The following SCML2 variants were observed in gnomAD, a reference collection of about 807,000 sequenced individuals.
SCML2 encodes sex comb on midleg-like protein 2.
In SCML2, 6 loss-of-function variants were observed where a neutral mutation model predicts 48.4. That is an observed-to-expected ratio of 0.12 (90% CI 0.07 to 0.24). The LOEUF is 0.24. Ranked by LOEUF, SCML2 falls within the 10% of genes least tolerant of loss-of-function variation. The probability of loss-of-function intolerance (pLI) is 1.00; values close to 1 mark genes in which losing one functional copy is unlikely to be tolerated. For synonymous variants in SCML2, 181 were observed against 189.5 expected (o/e 0.95, Z 0.37); for missense variants, 377 against 528.2 (o/e 0.71, Z 2.81).
At position 18,269,692 on chromosome X, in the gene SCML2, T is replaced by G. The variant is rs867665957; in HGVS notation, c.731-3890A>C. 3.6e-5 allele frequency among the ~76,000 whole-genome samples: 4 copies of G among 111,709 alleles called. 1 individual carries two copies. The Middle Eastern group carries it at 0.018, about 515-fold the overall frequency. ...TCTGGGTTCAAATTCCTGTGCCAGGTTGGTTTAAGACAGAACCTAGGAATA... is the reference window on the plus strand; with the variant it reads ...TCTGGGTTCAAATTCCTGTGCCAGGGTGGTTTAAGACAGAACCTAGGAATA... On this transcript the variant is annotated intron_variant, in intron 7 of 14. Coordinates refer to ENST00000251900, the MANE Select transcript of SCML2 (RefSeq NM_006089.3).
intron 6 of SCML2, among the ~76,000 whole-genome samples, chrX:18,314,550 A>G (rs757905775): frequency 1.8e-5 from 2 of 111,927 alleles, no homozygotes; most frequent in African/African-American, 3.2e-5. Flanking sequence ...AATTTCCCAG[A>G]GACACCTCAA....
intron 8 of SCML2, among the ~76,000 whole-genome samples, chrX:18,263,098 T>C (rs1927132068): frequency 9.0e-6 from 1 of 111,265 alleles, no homozygotes; most frequent in Non-Finnish European, 1.9e-5. Flanking sequence ...TTCCTTAGAA[T>C]TACATTTTAA....
At chrX:18,243,060 TTTGTTG>T (rs913927396) in intron 13 of SCML2, among the ~76,000 whole-genome samples, 33 of 111,683 alleles carry the variant, frequency 3.0e-4, no homozygotes, top group Non-Finnish European at 4.9e-4. Flanking sequence ...TTTGTTTTGT[TTTGTTG>T]TTGTTGTTGT....
intron 1 of SCML2, among the ~76,000 whole-genome samples, chrX:18,347,723 C>CAAAAAA (rs749758995): frequency 5.9e-4 from 13 of 21,925 alleles, no homozygotes; most frequent in Non-Finnish European, 8.2e-4. Flanking sequence ...GACTCCGTCT[C>CAAAAAA]AAAAAAAAAA....
At chrX:18,320,064 T>G (rs949916367) in intron 6 of SCML2, among the ~76,000 whole-genome samples, 1 of 112,473 alleles carries the variant, frequency 8.9e-6, no homozygotes, top group African/African-American at 3.2e-5. Flanking sequence ...GATACAAACA[T>G]GTCTATATGC....
At chrX:18,302,340 C>T (rs1439755552) in intron 7 of SCML2, among the ~76,000 whole-genome samples, 1 of 110,744 alleles carries the variant, frequency 9.0e-6, no homozygotes, top group Admixed American at 9.7e-5. Flanking sequence ...GCCATGGAAG[C>T]CAACCTAGTG....
intron 7 of SCML2, among the ~76,000 whole-genome samples, chrX:18,283,141 C>T (rs1927924307): frequency 8.9e-6 from 1 of 112,084 alleles, no homozygotes. Context: ...AAGGTTGGTT[C>T]AACACACACA....
intron 1 of SCML2, among the ~76,000 whole-genome samples, chrX:18,340,823 A>T (rs1189154266): frequency 2.7e-5 from 3 of 109,734 alleles, no homozygotes; most frequent in Non-Finnish European, 5.7e-5. Context: ...AAAAAAAAAA[A>T]AAATTAAATA....
At chrX:18,338,616 A>T (rs1465640745) in intron 1 of SCML2, among the ~76,000 whole-genome samples, 3 of 109,638 alleles carry the variant, frequency 2.7e-5, no homozygotes, top group Non-Finnish European at 5.7e-5. Flanking sequence ...TAAAAAGTTT[A>T]GGTTAGACAG....
intron 8 of SCML2, among the ~76,000 whole-genome samples, chrX:18,261,808 T>G (rs1470271181): frequency 9.1e-6 from 1 of 109,989 alleles, no homozygotes; most frequent in Non-Finnish European, 1.9e-5. Context: ...AATTTTTTAA[T>G]GCATTTAAAA....
chrX:18,354,044 G>A (rs1451798260), intron 1 of SCML2, among the ~76,000 whole-genome samples: 1 of 112,193 alleles, frequency 8.9e-6, no homozygotes, highest in Non-Finnish European at 1.9e-5. Context: ...GTGAGCCACC[G>A]GCGCCCCCAG....
intron 7 of SCML2, among the ~76,000 whole-genome samples, chrX:18,269,403 A>G (rs1248974879): frequency 9.0e-6 from 1 of 111,695 alleles, no homozygotes; most frequent in African/African-American, 3.3e-5. Context: ...CTTTGTGAAG[A>G]AGGTGCCTTG....
chrX:18,341,217 T>G, intron 1 of SCML2: 1 of 671,029 alleles, frequency 1.5e-6, no homozygotes, highest in Non-Finnish European at 2.1e-6. Context: ...TTTAAGAAAA[T>G]GGCAGACAAA....
intron 6 of SCML2, among the ~76,000 whole-genome samples, chrX:18,312,686 T>A (rs893425581): frequency 3.6e-5 from 4 of 109,943 alleles, no homozygotes; most frequent in Non-Finnish European, 5.7e-5. Flanking sequence ...ATTACCAAGG[T>A]TTGAGGCCTG....
chrX:18,260,297 A>T lies in SCML2; in HGVS notation c.949-6T>A, dbSNP rs1426812551. 8.4e-7 allele frequency: 1 copy of T among 1,183,450 alleles called. No individual in the cohort carries two copies. The highest frequency in any genetic ancestry group is 1.1e-6 in the Non-Finnish European group (1 of 879,617). ...ATCACGGGCAAAGGTTTTTCCTGTT[A>T]AAAACAAAGGGAAAAAAACACAAGT... is the stretch of plus-strand genomic sequence containing the variant. On this transcript the variant is annotated splice_region_variant and splice_polypyrimidine_tract_variant and intron_variant, in intron 8 of 14. Coordinates refer to ENST00000251900, the MANE Select transcript of SCML2 (RefSeq NM_006089.3).
Position 18,305,220 on chromosome X carries a change from C to G in SCML2, c.487-5G>C, listed in dbSNP as rs200059003. 2 of 1,153,496 alleles carry G rather than the reference C, an allele frequency of 1.7e-6. No individual in the cohort carries two copies. Among genetic ancestry groups the G allele is most frequent in the African/African-American group, 1.9e-5 (1 of 53,174 alleles). On this transcript the variant is annotated splice_region_variant and splice_polypyrimidine_tract_variant and intron_variant, in intron 6 of 14. Coordinates refer to ENST00000251900, the MANE Select transcript of SCML2 (RefSeq NM_006089.3). The stretch of plus-strand genomic sequence containing the variant: ...TAGTGGGGGCTTTGGTGGTTCCTAT[C>G]AAAACATTAAAAAAAAAAAAGATTT...
intron 3 of SCML2, among the ~76,000 whole-genome samples, chrX:18,329,127 G>C (rs1048110717): frequency 9.0e-6 from 1 of 111,477 alleles, no homozygotes. Context: ...GAAAACCATT[G>C]AATTGTGCAC....
At chrX:18,302,244 C>T (rs148678725) in intron 7 of SCML2, among the ~76,000 whole-genome samples, 124 of 110,858 alleles carry the variant, frequency 1.1e-3, no homozygotes, top group African/African-American at 3.9e-3. Flanking sequence ...TTACTAAGAC[C>T]GCTAACGAGT....
At chrX:18,306,855 A>G (rs1196079520) in intron 6 of SCML2, among the ~76,000 whole-genome samples, 1 of 110,425 alleles carries the variant, frequency 9.1e-6, no homozygotes, top group African/African-American at 3.3e-5. Flanking sequence ...TTTTATAGAG[A>G]TGAGGGCCTC....
Sources: allele counts gnomAD v4.1 joint callset (sites outside exome capture counted in the v4.1 genomes callset), GRCh38; gene constraint gnomAD v4.1.1; transcripts MANE v1.5; gene names NCBI Gene and HGNC (gene_info 2026-07-23, HGNC 2026-07-21).